TRARG1: variants seen among roughly 807,000 people sequenced by gnomAD.
TRARG1 encodes the protein trafficking regulator of GLUT4 (SLC2A4) 1 (gene/pseudogene).
TRARG1 carries 16 observed loss-of-function variants against 13.3 expected under a neutral mutation model. That is an observed-to-expected ratio of 1.20 (90% CI 0.81 to 1.83). The LOEUF is 1.83. Ranked by LOEUF, TRARG1 falls within the 40% of genes most tolerant of loss-of-function variation. TRARG1 has a pLI of 0.00. For synonymous variants in TRARG1, 113 were observed against 106.2 expected (o/e 1.06, Z -0.39); for missense variants, 250 against 237.4 (o/e 1.05, Z -0.35).
At chr17:1,297,706 C>T (rs569422339) in intron 2 of TRARG1, among the ~76,000 whole-genome samples, 40 of 149,974 alleles carry the variant, frequency 2.7e-4, no homozygotes, top group African/African-American at 9.8e-4. Context: ...CAGGTTCAAG[C>T]GAATCTCCTG....
At position 1,290,584 on chromosome 17, in the gene TRARG1, C is replaced by T. The variant is rs111352739; in HGVS notation, c.388-4907C>T. Among the ~76,000 whole-genome samples, 1,181 of 152,322 alleles carry T rather than the reference C, an allele frequency of 7.8e-3. 4 individuals are homozygous for T. The highest frequency in any genetic ancestry group is 0.013 in the Non-Finnish European group (862 of 68,014). On this transcript the variant is annotated intron_variant, in intron 1 of 2. Coordinates refer to ENST00000333813, the MANE Select transcript of TRARG1 (RefSeq NM_172367.3). ...GTGCTGACATTACAGGCGTGAGCCA[C>T]TGCTCCTGGCCGAGGGTCCTTGTTG...
rs776666793 is a variant in TRARG1 at position 1,280,308 on chromosome 17, G to A, written c.307G>A (p.Asp103Asn). Residue 103 changes from aspartate to asparagine, a missense_variant, in exon 1 of 3, where the codon GAT (aspartate) becomes AAT (asparagine). Asp to Asn is a conservative substitution (Grantham distance 23). Transcript: ENST00000333813. ...TGCCCAAGACCAAGAAGCCCCCAGA[G>A]ATTACCTCATCCTGGCCGTCGTCGC... ...SYAQDQEAPR[D>N]YLILAVVACF... is the part of the protein sequence containing the mutation. The A allele has an allele frequency of 6.2e-7, 1 of 1,614,024 alleles. No individual in the cohort carries two copies. Among genetic ancestry groups the A allele is most frequent in the South Asian group, 1.1e-5 (1 of 91,040 alleles).
chr17:1,281,954 A>G (rs978514454), intron 1 of TRARG1, among the ~76,000 whole-genome samples: 3 of 151,638 alleles, frequency 2.0e-5, no homozygotes, highest in African/African-American at 2.4e-5. Context: ...ATATGCACAT[A>G]CATGTACATA....
intron 1 of TRARG1, among the ~76,000 whole-genome samples, chr17:1,283,003 T>C (rs1393242521): frequency 1.3e-5 from 2 of 152,238 alleles, no homozygotes; most frequent in South Asian, 2.1e-4. Context: ...TTTTACGTTT[T>C]TGAGTCAGGT....
chr17:1,290,471 T>A (rs932696675), intron 1 of TRARG1, among the ~76,000 whole-genome samples: 2 of 152,104 alleles, frequency 1.3e-5, no homozygotes, highest in African/African-American at 4.8e-5. Context: ...AATTTTTGTA[T>A]TTTTTGTAGA....
rs1283801703 is a variant in TRARG1 at position 1,281,859 on chromosome 17, GACAA to G, written c.387+1475_387+1478del. 7.2e-5 allele frequency among the ~76,000 whole-genome samples: 11 copies of G among 152,040 alleles called. No homozygotes were observed. In the East Asian group the frequency reaches 1.2e-3, roughly 16 times the overall value. On this transcript the variant is annotated intron_variant, in intron 1 of 2. Transcript: ENST00000333813. The stretch of plus-strand genomic sequence containing the variant: ...TGCAGGCTGGGCAGGACCTGCCTCT[GACAA>G]ACAGAGCCTAAGCCCAAGGCAATGA...
intron 2 of TRARG1, among the ~76,000 whole-genome samples, chr17:1,296,259 C>CAT (rs1417009835): frequency 6.7e-6 from 1 of 150,348 alleles, no homozygotes; most frequent in Middle Eastern, 3.6e-3. Flanking sequence ...TGCAGTGGTG[C>CAT]GATCTCGGCT....
chr17:1,281,606 G>C (rs1260834706), intron 1 of TRARG1, among the ~76,000 whole-genome samples: 1 of 152,212 alleles, frequency 6.6e-6, no homozygotes, highest in East Asian at 1.9e-4. Flanking sequence ...TGTGGAAGCA[G>C]GGCCGGGCAG....
In TRARG1 at chr17:1,300,187, TCA is replaced by T. The variant is rs1422162392; in HGVS notation, c.*1928_*1929del. 1 of 152,174 alleles carries T rather than the reference TCA, an allele frequency of 6.6e-6. No homozygotes were observed. The highest frequency in any genetic ancestry group is 6.5e-5 in the Admixed American group (1 of 15,278). The allele number at this position is 152,174 out of a possible 1,614,324, so 9.4% of individuals were successfully genotyped here. A position where few individuals can be genotyped will look rare whatever the true frequency, so the allele number is the denominator to read the frequency against. ...TATTTCTGTCCCTCGTGAAGTCACG[TCA>T]CACAGGGGAGAGGCGAGGTCGATGG... is the stretch of plus-strand genomic sequence containing the variant. On this transcript the variant is annotated 3_prime_UTR_variant, in exon 3 of 3. Transcript: ENST00000333813.
chr17:1,283,330 T>A (rs1044594711), intron 1 of TRARG1, among the ~76,000 whole-genome samples: 3 of 152,064 alleles, frequency 2.0e-5, no homozygotes, highest in Non-Finnish European at 4.4e-5. Flanking sequence ...TCTTACAGGA[T>A]AATGGGTACG....
At chr17:1,293,920 C>CT (rs764130798) in intron 1 of TRARG1, among the ~76,000 whole-genome samples, 4 of 151,806 alleles carry the variant, frequency 2.6e-5, no homozygotes, top group Non-Finnish European at 4.4e-5. Flanking sequence ...TGCCAACCTC[C>CT]TAGGGTGATT....
chr17:1,287,498 C>T (rs1390508195), intron 1 of TRARG1, among the ~76,000 whole-genome samples: 1 of 151,786 alleles, frequency 6.6e-6, no homozygotes, highest in Non-Finnish European at 1.5e-5. Flanking sequence ...GTAGCTGGGA[C>T]TACAGGGGCC....
At chr17:1,294,418 G>A (rs1339264150) in intron 1 of TRARG1, among the ~76,000 whole-genome samples, 1 of 151,544 alleles carries the variant, frequency 6.6e-6, no homozygotes, top group Non-Finnish European at 1.5e-5. Flanking sequence ...GGGCTTGATT[G>A]AACGAGGATG....
intron 2 of TRARG1, 57 bp downstream of exon 2, chr17:1,295,680 C>G: frequency 6.5e-7 from 1 of 1,540,264 alleles, no homozygotes; most frequent in Non-Finnish European, 8.7e-7. Flanking sequence ...GAGGACTGCT[C>G]AAGGGTGTAC....
At chr17:1,287,428 T>G (rs1244425957) in intron 1 of TRARG1, among the ~76,000 whole-genome samples, 1 of 151,854 alleles carries the variant, frequency 6.6e-6, no homozygotes, top group Admixed American at 6.6e-5. Context: ...TGGCACAATC[T>G]TTGCTCACTG....
intron 1 of TRARG1, among the ~76,000 whole-genome samples, chr17:1,282,160 A>ATATGTACGTATACACGTGCG (rs1567928056): frequency 3.7e-5 from 5 of 134,550 alleles, no homozygotes; most frequent in Non-Finnish European, 8.3e-5. Flanking sequence ...ATACACGTGC[A>ATATGTACGTATACACGTGCG]TATATGTACG....
intron 2 of TRARG1, among the ~76,000 whole-genome samples, chr17:1,296,037 G>C (rs1225788542): frequency 6.6e-6 from 1 of 152,194 alleles, no homozygotes; most frequent in Non-Finnish European, 1.5e-5. Flanking sequence ...GGACGTGACT[G>C]TGCTTTGTAA....
At position 1,298,192 on chromosome 17, in the gene TRARG1, G is replaced by A; in HGVS notation, c.521-59G>A. ...CAGAAACCCAAATCCTCCAGTCAGG[G>A]ACTTGAAGAGCCAGTGTTCTGAGCC... is the stretch of plus-strand genomic sequence containing the variant. On this transcript the variant is annotated intron_variant, in intron 2 of 2. Coordinates refer to ENST00000333813, the MANE Select transcript of TRARG1 (RefSeq NM_172367.3). 3 of 1,610,700 alleles carry A rather than the reference G, an allele frequency of 1.9e-6. No homozygotes were observed. In the South Asian group the frequency reaches 3.3e-5, roughly 18 times the overall value.
At chr17:1,282,134 A>G (rs1190105839) in intron 1 of TRARG1, among the ~76,000 whole-genome samples, 1 of 63,252 alleles carries the variant, frequency 1.6e-5, no homozygotes, top group African/African-American at 6.6e-5. Flanking sequence ...GTACATATAC[A>G]CGCATATATG....
Sources: gnomAD v4.1 joint callset for allele counts (sites outside exome capture counted in the v4.1 genomes callset) on GRCh38, gnomAD v4.1.1 for gene constraint, MANE v1.5 for transcripts, NCBI Gene and HGNC (gene_info 2026-07-23, HGNC 2026-07-21) for gene names.